Variants in COL22A1 observed in about 807,000 individuals in gnomAD.
The protein encoded by COL22A1 is collagen type XXII alpha 1 chain.
COL22A1 carries 221 observed loss-of-function variants against 248.9 expected under a neutral mutation model. The ratio of observed to expected loss-of-function variants is 0.89; its 90% confidence interval spans 0.80 to 0.99. The LOEUF (loss-of-function observed/expected upper bound fraction) is 0.99. Ranked by LOEUF, COL22A1 falls within the 50% of genes least tolerant of loss-of-function variation. The pLI is 0.00. For missense variants in COL22A1, 2,240 were observed against 2,179.0 expected (o/e 1.03, Z -0.56); for synonymous variants, 891 against 793.4 (o/e 1.12, Z -2.07).
At chr8:138,639,000 G>A (rs1329138922) in intron 47 of COL22A1, among the ~76,000 whole-genome samples, 1 of 152,196 alleles carries the variant, frequency 6.6e-6, no homozygotes, top group African/African-American at 2.4e-5. Context: ...TCCTTCCAGA[G>A]AAGGGCGCTG....
At chr8:138,829,785 T>C (rs985626409) in intron 5 of COL22A1, among the ~76,000 whole-genome samples, 1 of 152,178 alleles carries the variant, frequency 6.6e-6, no homozygotes, top group Non-Finnish European at 1.5e-5. Flanking sequence ...CTATTTTTTT[T>C]CCCTGAACAC....
chr8:138,773,969 C>T (rs547756802), intron 16 of COL22A1, among the ~76,000 whole-genome samples: 3 of 152,316 alleles, frequency 2.0e-5, no homozygotes, highest in South Asian at 4.1e-4. Context: ...CCCCTGCTCC[C>T]TCCAGCACCA....
intron 1 of COL22A1, among the ~76,000 whole-genome samples, chr8:138,899,370 T>G (rs1586996457): frequency 6.6e-6 from 1 of 151,980 alleles, no homozygotes; most frequent in Non-Finnish European, 1.5e-5. Flanking sequence ...ATGCAGAAAA[T>G]AAGAAGATCT....
At chr8:138,731,972 AAACAG>A (rs547989373) in intron 23 of COL22A1, among the ~76,000 whole-genome samples, 73 of 152,296 alleles carry the variant, frequency 4.8e-4, no homozygotes, top group Admixed American at 3.1e-3. Context: ...ACAATACCTC[AAACAG>A]AACAGCCATT....
At chr8:138,755,352 G>T (rs2131362183) in intron 20 of COL22A1, 130 bp downstream of exon 20, 1 of 1,276,334 alleles carries the variant, frequency 7.8e-7, no homozygotes. Flanking sequence ...GTGGGTATTT[G>T]CATTTCTGGC....
chr8:138,893,857 A>G (rs994599090), intron 1 of COL22A1, among the ~76,000 whole-genome samples: 5 of 152,212 alleles, frequency 3.3e-5, no homozygotes, highest in African/African-American at 1.2e-4. Context: ...TGGTCAGTGG[A>G]CATGGTGTCA....
At chr8:138,681,686 T>C (rs1378214145) in intron 39 of COL22A1, among the ~76,000 whole-genome samples, 1 of 152,106 alleles carries the variant, frequency 6.6e-6, no homozygotes, top group Non-Finnish European at 1.5e-5. Flanking sequence ...TTCAGATTGG[T>C]GGTTAATGCA....
At chr8:138,710,871 A>T (rs1828906771) in intron 30 of COL22A1, among the ~76,000 whole-genome samples, 1 of 151,944 alleles carries the variant, frequency 6.6e-6, no homozygotes. Context: ...AACCAATCTC[A>T]TCTAAACCAA....
chr8:138,660,907 CAT>C (rs1206502908), intron 43 of COL22A1, among the ~76,000 whole-genome samples: 79 of 138,612 alleles, frequency 5.7e-4, no homozygotes, highest in African/African-American at 2.1e-3. Flanking sequence ...CAAACACACA[CAT>C]ACACAGACAC....
At chr8:138,910,347 A>G (rs1425338753) in intron 1 of COL22A1, among the ~76,000 whole-genome samples, 2 of 152,186 alleles carry the variant, frequency 1.3e-5, no homozygotes, top group Non-Finnish European at 2.9e-5. Context: ...ACACATGTAC[A>G]CACAGAACCA....
At chr8:138,697,090 G>C (rs143673329) in intron 32 of COL22A1, among the ~76,000 whole-genome samples, 231 of 152,296 alleles carry the variant, frequency 1.5e-3, no homozygotes, top group African/African-American at 5.0e-3. Flanking sequence ...GAAAGGGCCA[G>C]AGAAGGACTC....
rs533077242 is a variant in COL22A1 at position 138,625,325 on chromosome 8, TCAAAAAAAAATCCAGTGTGGCTGGAA to T, written c.3717+839_3717+864del. 1.9e-4 allele frequency among the ~76,000 whole-genome samples: 29 copies of T among 151,142 alleles called. No individual in the cohort carries two copies. The South Asian group carries it at 6.1e-3, about 32-fold the overall frequency. On this transcript the variant is annotated intron_variant, in intron 51 of 64. Coordinates refer to ENST00000303045, the MANE Select transcript of COL22A1 (RefSeq NM_152888.3). ...GAGAGAATTCAGTGCATTCTGGGAATCAAAAAAAAATCCAGTGTGGCTGGAACAAAAGAAGGCACAGTGGAGGGCAG... is the reference window on the plus strand; with the variant it reads ...GAGAGAATTCAGTGCATTCTGGGAATCAAAAGAAGGCACAGTGGAGGGCAG...
intron 18 of COL22A1, among the ~76,000 whole-genome samples, chr8:138,756,235 G>A (rs779562094): frequency 6.6e-6 from 1 of 152,142 alleles, no homozygotes; most frequent in Non-Finnish European, 1.5e-5. Flanking sequence ...GGTCTCTTAT[G>A]CCAGGTTCAT....
At position 138,588,940 on chromosome 8, in the gene COL22A1, C is replaced by T; in HGVS notation, c.*313G>A. 9.3e-6 allele frequency: 2 copies of T among 214,110 alleles called. No individual in the cohort carries two copies. The highest frequency in any genetic ancestry group is 1.4e-4 in the South Asian group (1 of 6,910). 13.3% of individuals were successfully genotyped at this position (214,110 alleles called of 1,614,324 possible). A position where few individuals can be genotyped will look rare whatever the true frequency, so the allele number is the denominator to read the frequency against. ...GGGGGCTGTCAGAAGAATGAAGAAACAATCTCCTGCCCCACGAATCAAGTT... is the reference window on the plus strand; with the variant it reads ...GGGGGCTGTCAGAAGAATGAAGAAATAATCTCCTGCCCCACGAATCAAGTT... On this transcript the variant is annotated 3_prime_UTR_variant, in exon 65 of 65. Transcript: ENST00000303045.
chr8:138,618,761 C>T (rs1029408940), intron 53 of COL22A1, among the ~76,000 whole-genome samples: 31 of 152,034 alleles, frequency 2.0e-4, no homozygotes, highest in African/African-American at 6.5e-4. Flanking sequence ...TTTCTAAAAG[C>T]AATTTAAGAA....
At chr8:138,737,980 G>T (rs1029353209) in intron 22 of COL22A1, among the ~76,000 whole-genome samples, 4 of 151,728 alleles carry the variant, frequency 2.6e-5, no homozygotes, top group Non-Finnish European at 4.4e-5. Flanking sequence ...CCTTACACAC[G>T]CACACACACC....
At chr8:138,770,348 C>T (rs1834258866) in intron 16 of COL22A1, among the ~76,000 whole-genome samples, 2 of 152,226 alleles carry the variant, frequency 1.3e-5, no homozygotes, top group South Asian at 4.1e-4. Flanking sequence ...ATTTGCCCAG[C>T]AGCCCCTGGA....
At chr8:138,613,943 G>T (rs1476849294) in intron 55 of COL22A1, 23 bp from the exon 56 acceptor site, 2 of 1,583,566 alleles carry the variant, frequency 1.3e-6, no homozygotes, top group Non-Finnish European at 1.7e-6. Flanking sequence ...CAGAGAGATG[G>T]TGTCATCATC....
At chr8:138,649,908 A>G in intron 45 of COL22A1, 130 bp from the exon 46 acceptor site, 1 of 579,652 alleles carries the variant, frequency 1.7e-6, no homozygotes, top group East Asian at 3.0e-5. Flanking sequence ...GAGAAGATAG[A>G]AAAGCAAACA....
Sources: gnomAD v4.1 joint callset for allele counts (sites outside exome capture counted in the v4.1 genomes callset) on GRCh38, gnomAD v4.1.1 for gene constraint, MANE v1.5 for transcripts, NCBI Gene and HGNC (gene_info 2026-07-23, HGNC 2026-07-21) for gene names.